Variants in FAXC observed in about 807,000 individuals in gnomAD.
FAXC encodes failed axon connections homolog.
Under a neutral mutation model 41.9 loss-of-function variants are expected in FAXC, and 10 were observed. The ratio of observed to expected loss-of-function variants is 0.24; its 90% CI spans 0.15 to 0.41. FAXC has a LOEUF of 0.41. FAXC is among the 10% of genes least tolerant of loss of function. The probability of loss-of-function intolerance (pLI) is 1.00; values close to 1 mark genes in which losing one functional copy is unlikely to be tolerated. For synonymous variants in FAXC, 183 were observed against 183.8 expected, an observed-to-expected ratio of 1.00 and a Z score of 0.03; for missense variants, 399 against 510.9, an observed-to-expected ratio of 0.78 and a Z score of 2.11.
intron 4 of FAXC, among the ~76,000 whole-genome samples, chr6:99,306,208 G>A (rs148679323): frequency 6.6e-6 from 1 of 152,294 alleles, no homozygotes; most frequent in Non-Finnish European, 1.5e-5. Flanking sequence ...GAATAAGCTT[G>A]GAGTGTCTGT....
rs181638622 is a variant in FAXC, at chr6:99,337,087, A to G, written c.403-3540T>C. 5.3e-4 allele frequency among the ~76,000 whole-genome samples: 81 copies of G among 152,336 alleles called. 1 individual carries two copies. The highest frequency in any genetic ancestry group is 5.2e-3 in the Admixed American group (80 of 15,296). ...GAGCTGCATGTTGAAGTATTGCAGG[A>G]TGATGTGTCAGGATTTCTGCAACTT... On this transcript the variant is annotated intron_variant, in intron 2 of 5. Coordinates refer to ENST00000389677, the MANE Select transcript of FAXC (RefSeq NM_032511.4).
At chr6:99,309,814 T>C (rs373578582) in intron 4 of FAXC, 3 of 672,780 alleles carry the variant, frequency 4.5e-6, no homozygotes, top group Non-Finnish European at 3.7e-6. Context: ...CGGTATGAAC[T>C]TGTAAGAGGG....
At chr6:99,288,879 C>CACACACACACACACAA (rs1771125356) in intron 5 of FAXC, among the ~76,000 whole-genome samples, 1 of 151,930 alleles carries the variant, frequency 6.6e-6, no homozygotes, top group Non-Finnish European at 1.5e-5. Context: ...CACACACACA[C>CACACACACACACACAA]ACACACAGAG....
intron 4 of FAXC, among the ~76,000 whole-genome samples, chr6:99,305,476 C>T (rs1771883192): frequency 6.6e-6 from 1 of 152,086 alleles, no homozygotes; most frequent in African/African-American, 2.4e-5. Flanking sequence ...CTCAGGTAAG[C>T]TAATTCACTA....
Position 99,281,337 on chromosome 6 carries a change from T to G in FAXC, c.1057A>C (p.Lys353Gln), listed in dbSNP as rs140876247. The G allele has an allele frequency of 1.2e-6, 2 of 1,614,128 alleles. No homozygotes were observed. The highest frequency in any genetic ancestry group is 2.7e-5 in the African/African-American group (2 of 74,950). Residue 353 changes from lysine to glutamine, a missense_variant, in exon 6 of 6, where the codon AAA becomes CAA. Lys to Gln is a moderately conservative substitution (Grantham distance 53). This residue lies in a region of FAXC where 92 missense variants were observed against 94.9 expected (regional missense o/e 0.97). Coordinates refer to ENST00000389677, the MANE Select transcript of FAXC (RefSeq NM_032511.4). ...YESEESSEGSKTHTPLLDFSF... is the reference protein window; with the variant it reads ...YESEESSEGSQTHTPLLDFSF... Reference sequence around the variant, plus strand: ...AAATCCAGCAGCGGGGTGTGGGTTTTGCTGCCTTCGCTGCTCTCCTCAGAC... The same window carrying G: ...AAATCCAGCAGCGGGGTGTGGGTTTGGCTGCCTTCGCTGCTCTCCTCAGAC...
chr6:99,271,368 G>C lies in FAXC; in HGVS notation c.*9796C>G, dbSNP rs1469492197. The stretch of plus-strand genomic sequence containing the variant: ...GAAGTAGATGTAGATCTATTTCAAA[G>C]TATTTCTGACTAGGGTCTATGTTAA... On this transcript the variant is annotated 3_prime_UTR_variant, in exon 6 of 6. Transcript: ENST00000389677. The C allele has an allele frequency of 6.6e-6, 1 of 152,122 alleles. No individual in the cohort carries two copies. Among genetic ancestry groups the C allele is most frequent in the Admixed American group, 6.5e-5 (1 of 15,270 alleles). 9.4% of individuals were successfully genotyped at this position (152,122 alleles called of 1,614,324 possible).
chr6:99,340,102 A>G (rs545928757), intron 2 of FAXC, among the ~76,000 whole-genome samples: 1 of 152,164 alleles, frequency 6.6e-6, no homozygotes, highest in Non-Finnish European at 1.5e-5. Flanking sequence ...GATTAACATC[A>G]ATTTTCTTTT....
chr6:99,323,694 A>G (rs748498632), intron 3 of FAXC, 27 bp from the exon 4 acceptor site: 2 of 1,568,394 alleles, frequency 1.3e-6, no homozygotes, highest in Non-Finnish European at 1.8e-6. Context: ...ACAAGTTACT[A>G]CTGTGCATCA....
At chr6:99,334,415 T>C (rs1458769281) in intron 2 of FAXC, among the ~76,000 whole-genome samples, 2 of 152,138 alleles carry the variant, frequency 1.3e-5, no homozygotes, top group Non-Finnish European at 2.9e-5. Context: ...GCTTGGCAAA[T>C]AGAACTGGGT....
At chr6:99,307,371 A>T (rs1771967396) in intron 4 of FAXC, among the ~76,000 whole-genome samples, 1 of 152,186 alleles carries the variant, frequency 6.6e-6, no homozygotes, top group Non-Finnish European at 1.5e-5. Context: ...ATTTGTACTC[A>T]AAGGCCCGAA....
At chr6:99,325,195 C>A (rs537658413) in intron 3 of FAXC, among the ~76,000 whole-genome samples, 1 of 151,616 alleles carries the variant, frequency 6.6e-6, no homozygotes, top group African/African-American at 2.4e-5. Context: ...ATGCTGTTTT[C>A]CACCTCAAGG....
chr6:99,298,996 G>A (rs1441539754), intron 4 of FAXC, among the ~76,000 whole-genome samples: 3 of 152,066 alleles, frequency 2.0e-5, no homozygotes, highest in Admixed American at 2.0e-4. Flanking sequence ...TGCTTAGATG[G>A]TTCCTTATAC....
In FAXC at chr6:99,343,374, C is replaced by A. The variant is rs370455579; in HGVS notation, c.267-341G>T. On this transcript the variant is annotated intron_variant, in intron 1 of 5. Transcript: ENST00000389677. ...AGTACTGGTCCACCTATTCTCCAGC[C>A]GGCTGTATTTACCTGCTAGGACAAG... Among the ~76,000 whole-genome samples the A allele has an allele frequency of 5.9e-5, 9 of 152,256 alleles. No homozygotes were observed. In the East Asian group the frequency reaches 1.2e-3, roughly 20 times the overall value.
At chr6:99,302,676 A>C (rs1466733470) in intron 4 of FAXC, among the ~76,000 whole-genome samples, 2 of 152,034 alleles carry the variant, frequency 1.3e-5, no homozygotes, top group African/African-American at 4.8e-5. Context: ...AAAAATAAAA[A>C]TAAAAGCATA....
chr6:99,299,482 G>A (rs1771622071), intron 4 of FAXC, among the ~76,000 whole-genome samples: 1 of 152,136 alleles, frequency 6.6e-6, no homozygotes, highest in Admixed American at 6.5e-5. Flanking sequence ...CCCTATACCT[G>A]AGCACTCATG....
At chr6:99,310,771 T>G (rs979307600) in intron 4 of FAXC, among the ~76,000 whole-genome samples, 2 of 152,238 alleles carry the variant, frequency 1.3e-5, no homozygotes, top group African/African-American at 2.4e-5. Flanking sequence ...CATGTGTGCG[T>G]AGATGTTCAT....
At chr6:99,295,192 C>T (rs915048251) in intron 4 of FAXC, among the ~76,000 whole-genome samples, 2 of 152,188 alleles carry the variant, frequency 1.3e-5, no homozygotes, top group Non-Finnish European at 2.9e-5. Flanking sequence ...GTGGAAAATG[C>T]TGAGTGGCAG....
chr6:99,303,348 C>T (rs1771787112), intron 4 of FAXC, among the ~76,000 whole-genome samples: 1 of 152,194 alleles, frequency 6.6e-6, no homozygotes, highest in Non-Finnish European at 1.5e-5. Flanking sequence ...ATATACTTAA[C>T]TTTTAGTAAA....
At chr6:99,322,371 G>T (rs562533848) in intron 4 of FAXC, among the ~76,000 whole-genome samples, 1 of 152,164 alleles carries the variant, frequency 6.6e-6, no homozygotes, top group Non-Finnish European at 1.5e-5. Context: ...CAAGGGACAG[G>T]TTATATCCAG....
Sources: gnomAD v4.1 joint callset for allele counts (sites outside exome capture counted in the v4.1 genomes callset) on GRCh38, gnomAD v4.1.1 for gene constraint, gnomAD v4.1.1 regional missense constraint, MANE v1.5 for transcripts, NCBI Gene and HGNC (gene_info 2026-07-23, HGNC 2026-07-21) for gene names.